RHOD: variants seen among roughly 807,000 people sequenced by gnomAD.
RHOD encodes ras homolog family member D.
Under a neutral mutation model 16.7 loss-of-function variants are expected in RHOD, and 11 were observed. The ratio of observed to expected loss-of-function variants is 0.66; its 90% CI spans 0.41 to 1.09. The LOEUF (loss-of-function observed/expected upper bound fraction) is 1.09, where lower values mean the gene tolerates loss of function less well. Ranked by LOEUF, RHOD falls within the 50% of genes least tolerant of loss-of-function variation. The pLI is 0.00. For synonymous variants in RHOD, 124 were observed against 126.3 expected (o/e 0.98, Z 0.12); for missense variants, 271 against 291.7 (o/e 0.93, Z 0.52).
chr11:67,063,653 G>T (rs1177403746), intron 1 of RHOD, among the ~76,000 whole-genome samples: 1 of 151,264 alleles, frequency 6.6e-6, no homozygotes, highest in Non-Finnish European at 1.5e-5. Flanking sequence ...CAAAAAATTA[G>T]CCAGGTGTGC....
Position 67,065,895 on chromosome 11 carries a change from G to C in RHOD, c.133-1G>C. The C allele has an allele frequency of 1.2e-6, 2 of 1,612,512 alleles. No homozygotes were observed. Among genetic ancestry groups the C allele is most frequent in the Non-Finnish European group, 8.5e-7 (1 of 1,178,876 alleles). ...CCCTCCCCCGCCCTGCTTCTCCTCA[G>C]AGCTACACCCCCACGGTGTTTGAGC... On this transcript the variant is annotated splice_acceptor_variant, in intron 1 of 4. Transcript: ENST00000308831. LOFTEE classifies it high-confidence loss of function.
At position 67,071,622 on chromosome 11, in the gene RHOD, C is replaced by A. The variant is rs376034373; in HGVS notation, c.*20C>A. ...ACCTGAGCGGCTCGGGGCGTCCCAGCGACGCGGGAAGGGGCAGGGCGCTGA... is the reference window on the plus strand; with the variant it reads ...ACCTGAGCGGCTCGGGGCGTCCCAGAGACGCGGGAAGGGGCAGGGCGCTGA... On this transcript the variant is annotated 3_prime_UTR_variant, in exon 5 of 5. Coordinates refer to ENST00000308831, the MANE Select transcript of RHOD (RefSeq NM_014578.4). 4.5e-6 allele frequency: 7 copies of A among 1,571,614 alleles called. No individual in the cohort carries two copies. The highest frequency in any genetic ancestry group is 6.0e-6 in the Non-Finnish European group (7 of 1,157,736).
intron 1 of RHOD, among the ~76,000 whole-genome samples, chr11:67,065,369 C>T (rs1174166260): frequency 3.9e-5 from 6 of 151,976 alleles, no homozygotes; most frequent in African/African-American, 7.2e-5. Context: ...CCAGCACACC[C>T]GGCCTTTTCG....
At chr11:67,063,963 G>A (rs1160593147) in intron 1 of RHOD, among the ~76,000 whole-genome samples, 3 of 148,968 alleles carry the variant, frequency 2.0e-5, no homozygotes, top group Admixed American at 6.8e-5. Context: ...AAAATTAGCC[G>A]GGTATGGTGG....
In RHOD at chr11:67,065,920, C is replaced by G. The variant is rs185607856; in HGVS notation, c.157C>G (p.Arg53Gly). 6 of 1,504,200 alleles carry G rather than the reference C, an allele frequency of 4.0e-6. No homozygotes were observed. Among genetic ancestry groups the G allele is most frequent in the Non-Finnish European group, 5.4e-6 (6 of 1,109,718 alleles). The allele number at this position is 1,504,200 out of a possible 1,614,324, so 93.2% of individuals were successfully genotyped here. Residue 53 changes from arginine (R) to glycine (G), a missense_variant, in exon 2 of 5, where the codon CGG becomes GGG. Transcript: ENST00000308831. ...PESYTPTVFE[R>G]YMVNLQVKGK... ...GAGCTACACCCCCACGGTGTTTGAG[C>G]GGTACATGGTCAACCTGCAAGTGAA...
chr11:67,064,454 G>A (rs548639648), intron 1 of RHOD, among the ~76,000 whole-genome samples: 7 of 151,762 alleles, frequency 4.6e-5, no homozygotes, highest in South Asian at 4.2e-4. Context: ...GTAGAGGGGC[G>A]CATTGGGGCA....
rs771237225 is a variant in RHOD at position 67,066,756 on chromosome 11, G to A, written c.239G>A (p.Arg80His). 13 of 1,612,862 alleles carry A rather than the reference G, an allele frequency of 8.1e-6. No homozygotes were observed. The highest frequency in any genetic ancestry group is 1.7e-5 in the Admixed American group (1 of 60,004). Residue 80 changes from arginine to histidine, a missense_variant, in exon 3 of 5, where the codon CGC becomes CAC. Transcript: ENST00000308831. ...WDTAGQDDYD[R>H]LRPLFYPDAS... ...TGCCCAGGGCAAGATGACTATGACC[G>A]CCTGCGGCCCCTGTTCTACCCTGAC...
chr11:67,062,132 C>T (rs547385466), intron 1 of RHOD, among the ~76,000 whole-genome samples: 16 of 152,266 alleles, frequency 1.1e-4, no homozygotes, highest in Non-Finnish European at 1.8e-4. Flanking sequence ...CAATCCATAT[C>T]ACTGGCGAAG....
At chr11:67,063,241 A>G (rs1854913318) in intron 1 of RHOD, among the ~76,000 whole-genome samples, 1 of 152,066 alleles carries the variant, frequency 6.6e-6, no homozygotes, top group Non-Finnish European at 1.5e-5. Context: ...AATACAAAAA[A>G]TTACTTTGGG....
chr11:67,063,761 A>C (rs1270987827), intron 1 of RHOD, among the ~76,000 whole-genome samples: 1 of 133,488 alleles, frequency 7.5e-6, no homozygotes, highest in Non-Finnish European at 1.5e-5. Flanking sequence ...AGATCACACC[A>C]TTGCACTCCA....
At chr11:67,062,795 A>T (rs890683035) in intron 1 of RHOD, among the ~76,000 whole-genome samples, 5 of 152,186 alleles carry the variant, frequency 3.3e-5, no homozygotes, top group African/African-American at 1.2e-4. Flanking sequence ...GGCCCCCCAG[A>T]CTGTGGCCCC....
intron 1 of RHOD, 66 bp downstream of exon 1, chr11:67,057,100 G>A (rs1854822632): frequency 9.6e-6 from 13 of 1,353,392 alleles, no homozygotes; most frequent in Non-Finnish European, 1.2e-5. Flanking sequence ...GGTCCGTGCC[G>A]GAGCGGCCCA....
intron 1 of RHOD, among the ~76,000 whole-genome samples, chr11:67,059,359 G>T (rs1171443548): frequency 6.6e-6 from 1 of 152,012 alleles, no homozygotes; most frequent in East Asian, 1.9e-4. Context: ...GGCCAACATG[G>T]TGAAACCCCA....
At chr11:67,057,749 C>A (rs1371629244) in intron 1 of RHOD, among the ~76,000 whole-genome samples, 1 of 152,226 alleles carries the variant, frequency 6.6e-6, no homozygotes, top group Non-Finnish European at 1.5e-5. Context: ...TTCCTCACAA[C>A]AACCCCATGG....
chr11:67,066,526 C>T (rs1228150616), intron 2 of RHOD, among the ~76,000 whole-genome samples: 4 of 152,276 alleles, frequency 2.6e-5, no homozygotes, highest in South Asian at 2.1e-4. Flanking sequence ...GTCATCCCTT[C>T]CAGACATCCC....
intron 3 of RHOD, among the ~76,000 whole-genome samples, chr11:67,067,211 GT>G: frequency 6.6e-6 from 1 of 152,322 alleles, no homozygotes; most frequent in South Asian, 2.1e-4. Flanking sequence ...TGCATGAACA[GT>G]CAAGTCAGAG....
chr11:67,070,501 A>G lies in RHOD; in HGVS notation c.407A>G (p.Asp136Gly). The change falls in exon 4 of 5, where the codon GAC becomes GGC. Residue 136 changes from aspartate to glycine, a missense_variant. By Grantham distance (94) the Asp-to-Gly change is moderately conservative. Transcript: ENST00000308831. The part of the protein sequence containing the change: ...VVGCKTDLRK[D>G]KSLVNKLRRN... ...GGCTGCAAGACTGACCTGCGCAAGG[A>G]CAAATCACTGGTGAACAAGCTCCGA... 1 of 1,614,102 alleles carries G rather than the reference A, an allele frequency of 6.2e-7. No individual in the cohort carries two copies. Among genetic ancestry groups the G allele is most frequent in the Non-Finnish European group, 8.5e-7 (1 of 1,180,012 alleles).
intron 4 of RHOD, among the ~76,000 whole-genome samples, chr11:67,071,030 C>T (rs1311523382): frequency 2.6e-5 from 4 of 152,032 alleles, no homozygotes; most frequent in Non-Finnish European, 5.9e-5. Flanking sequence ...GTCAGGAGTT[C>T]GAGACCAGCC....
At chr11:67,057,665 G>A (rs898676671) in intron 1 of RHOD, among the ~76,000 whole-genome samples, 2 of 152,232 alleles carry the variant, frequency 1.3e-5, no homozygotes, top group Non-Finnish European at 2.9e-5. Flanking sequence ...AGCCTCAGCT[G>A]CTGGGCCCGC....
Sources: gnomAD v4.1 joint callset for allele counts (sites outside exome capture counted in the v4.1 genomes callset) on GRCh38, gnomAD v4.1.1 for gene constraint, MANE v1.5 for transcripts, NCBI Gene and HGNC (gene_info 2026-07-23, HGNC 2026-07-21) for gene names.